The following INHBC variants were observed in gnomAD, a reference collection of about 807,000 sequenced individuals.
INHBC encodes inhibin beta C chain.
INHBC carries 10 observed loss-of-function variants against 12.4 expected under a neutral mutation model. The ratio of observed to expected loss-of-function variants is 0.81; its 90% CI spans 0.50 to 1.37. The LOEUF (loss-of-function observed/expected upper bound fraction) is 1.37, where lower values mean the gene tolerates loss of function less well. INHBC is among the 40% of genes most tolerant of loss of function. The probability of loss-of-function intolerance (pLI) is 0.00; values close to 1 mark genes in which losing one functional copy is unlikely to be tolerated. For missense variants in INHBC, 382 were observed against 439.4 expected, an observed-to-expected ratio of 0.87 and a Z score of 1.17; for synonymous variants, 147 against 171.6, an observed-to-expected ratio of 0.86 and a Z score of 1.12.
intron 1 of INHBC, among the ~76,000 whole-genome samples, chr12:57,436,034 A>G (rs919843571): frequency 2.0e-5 from 3 of 151,958 alleles, no homozygotes; most frequent in African/African-American, 4.8e-5. Flanking sequence ...TTTAGTAGAG[A>G]CTGGGTTTCA....
intron 1 of INHBC, among the ~76,000 whole-genome samples, chr12:57,447,908 T>A (rs1277159792): frequency 1.1e-3 from 108 of 96,742 alleles, no homozygotes; most frequent in Non-Finnish European, 1.3e-3. Context: ...TATATATATA[T>A]ATATATATAT....
At chr12:57,437,325 GT>G (rs1382607585) in intron 1 of INHBC, among the ~76,000 whole-genome samples, 2 of 152,146 alleles carry the variant, frequency 1.3e-5, no homozygotes, top group African/African-American at 4.8e-5. Flanking sequence ...CAGGGGAATA[GT>G]TGGAGTATAT....
intron 1 of INHBC, among the ~76,000 whole-genome samples, chr12:57,442,970 G>A (rs1484370804): frequency 8.4e-5 from 12 of 142,728 alleles, no homozygotes; most frequent in African/African-American, 2.3e-4. Context: ...CAGCCCAGGC[G>A]ACAAGAGTGA....
intron 1 of INHBC, among the ~76,000 whole-genome samples, chr12:57,446,829 C>T (rs910236056): frequency 6.6e-6 from 1 of 151,684 alleles, no homozygotes; most frequent in Admixed American, 6.6e-5. Flanking sequence ...GTTGGGCCGA[C>T]AAAGAGGAGC....
intron 1 of INHBC, among the ~76,000 whole-genome samples, chr12:57,447,892 A>AAAAAAATAT (rs1555325179): frequency 1.2e-3 from 23 of 19,868 alleles, no homozygotes; most frequent in East Asian, 1.4e-3. Context: ...AAAAAAAAAA[A>AAAAAAATAT]ATATATATAT....
chr12:57,435,462 T>C (rs1328676803), intron 1 of INHBC, among the ~76,000 whole-genome samples: 2 of 152,122 alleles, frequency 1.3e-5, no homozygotes, highest in East Asian at 3.9e-4. Context: ...CTCCTCCGGC[T>C]CCTCTCTCTG....
chr12:57,435,219 C>T lies in INHBC; in HGVS notation c.313+20C>T. 1 of 1,590,014 alleles carries T rather than the reference C, an allele frequency of 6.3e-7. No homozygotes were observed. Among genetic ancestry groups the T allele is most frequent in the Non-Finnish European group, 8.6e-7 (1 of 1,163,898 alleles). ...AGACAGGTGGGTTCCTGATCTGTAGCTCTTCCCCAGAACTTGACCCCTCAA... is the reference window on the plus strand; with the variant it reads ...AGACAGGTGGGTTCCTGATCTGTAGTTCTTCCCCAGAACTTGACCCCTCAA... On this transcript the variant is annotated intron_variant, in intron 1 of 1. Transcript: ENST00000309668.
At position 57,451,883 on chromosome 12, in the gene INHBC, A is replaced by G. The variant is rs1246907115; in HGVS notation, c.*1861A>G. The G allele has an allele frequency of 2.2e-6, 1 of 455,518 alleles. No homozygotes were observed. Among genetic ancestry groups the G allele is most frequent in the East Asian group, 6.9e-5 (1 of 14,400 alleles). 28.2% of individuals were successfully genotyped at this position (455,518 alleles called of 1,614,324 possible). A position where few individuals can be genotyped will look rare whatever the true frequency, so the allele number is the denominator to read the frequency against. ...CAATTACAGCTTAGTCTCCAGGGCTAGGACTGGGGTAAAGCAAAGTGAGTC... is the reference window on the plus strand; with the variant it reads ...CAATTACAGCTTAGTCTCCAGGGCTGGGACTGGGGTAAAGCAAAGTGAGTC... On this transcript the variant is annotated 3_prime_UTR_variant, in exon 2 of 2. Transcript: ENST00000309668.
At chr12:57,435,296 C>G in intron 1 of INHBC, 97 bp downstream of exon 1, 1 of 1,142,744 alleles carries the variant, frequency 8.8e-7, no homozygotes, top group Non-Finnish European at 1.2e-6. Context: ...TCCCCAAAAA[C>G]CATCCAACCC....
At chr12:57,440,995 G>T (rs1294103502) in intron 1 of INHBC, among the ~76,000 whole-genome samples, 4 of 152,108 alleles carry the variant, frequency 2.6e-5, no homozygotes, top group Non-Finnish European at 5.9e-5. Flanking sequence ...ATCACTTGAG[G>T]CCAGGAGTTT....
chr12:57,443,236 G>A (rs1156786613), intron 1 of INHBC, among the ~76,000 whole-genome samples: 14 of 144,280 alleles, frequency 9.7e-5, no homozygotes, highest in Non-Finnish European at 4.5e-5. Flanking sequence ...TCCTGCCTCA[G>A]CCTCCTGAGT....
intron 1 of INHBC, among the ~76,000 whole-genome samples, chr12:57,439,019 A>G (rs897550411): frequency 6.6e-6 from 1 of 152,208 alleles, no homozygotes; most frequent in African/African-American, 2.4e-5. Context: ...GTGATGTCAC[A>G]TTAGCAGCTA....
chr12:57,447,920 T>TATATATATAA (rs1828898710), intron 1 of INHBC, among the ~76,000 whole-genome samples: 1 of 92,812 alleles, frequency 1.1e-5, no homozygotes, highest in Non-Finnish European at 2.0e-5. Context: ...TATATATATA[T>TATATATATAA]ATAAAATATA....
At chr12:57,435,289 C>CTGCTT in intron 1 of INHBC, 90 bp downstream of exon 1, 2 of 1,256,434 alleles carry the variant, frequency 1.6e-6, no homozygotes, top group Non-Finnish European at 2.2e-6. Flanking sequence ...GACTCCTTCC[C>CTGCTT]CAAAAACCAT....
chr12:57,435,303 A>C, intron 1 of INHBC, 104 bp downstream of exon 1: 1 of 1,078,352 alleles, frequency 9.3e-7, no homozygotes, highest in Non-Finnish European at 1.3e-6. Flanking sequence ...AAACCATCCA[A>C]CCCCTGCTTC....
rs1870484253 is a variant in INHBC at position 57,442,326 on chromosome 12, G to T, written c.314-6951G>T. On this transcript the variant is annotated intron_variant, in intron 1 of 1. Transcript: ENST00000309668. ...GACAGCACAAAGTCATGAATACTGG[G>T]AGGTGTTGGCCTTTGGGGCCAACAG... 1.3e-5 allele frequency among the ~76,000 whole-genome samples: 2 copies of T among 152,212 alleles called. 1 individual carries two copies. Among genetic ancestry groups the T allele is most frequent in the Non-Finnish European group, 2.9e-5 (2 of 68,038 alleles).
At chr12:57,439,372 C>T (rs928970003) in intron 1 of INHBC, among the ~76,000 whole-genome samples, 2 of 152,190 alleles carry the variant, frequency 1.3e-5, no homozygotes, top group African/African-American at 2.4e-5. Flanking sequence ...CCTGGTTCTG[C>T]TCCCTGGTAT....
At position 57,445,723 on chromosome 12, in the gene INHBC, C is replaced by CA. The variant is rs1555325061; in HGVS notation, c.314-3553dup. Among the ~76,000 whole-genome samples the CA allele has an allele frequency of 7.0e-5, 10 of 142,992 alleles. No homozygotes were observed. The East Asian group carries it at 1.6e-3, about 23-fold the overall frequency. The allele number at this position is 142,992 out of a possible 152,430, so 93.8% of individuals were successfully genotyped here. On this transcript the variant is annotated intron_variant, in intron 1 of 1. Transcript: ENST00000309668. ...GGGTAACATAGTGAGACCCCCCGCCCATCTCCATGTAAATTTTTTTTTTTT... is the reference window on the plus strand; with the variant it reads ...GGGTAACATAGTGAGACCCCCCGCCCAATCTCCATGTAAATTTTTTTTTTTT...
Position 57,449,419 on chromosome 12 carries a change from C to G in INHBC, c.456C>G (p.Val152=). 6.2e-7 allele frequency: 1 copy of G among 1,614,188 alleles called. No homozygotes were observed. The highest frequency in any genetic ancestry group is 8.5e-7 in the Non-Finnish European group (1 of 1,180,048). ...SNTTWTLKVR[V]LVLGPHNTNL... is the part of the protein sequence containing the mutation. Reference sequence around the variant, plus strand: ...CCACTTGGACCTTGAAAGTGAGAGTCCTTGTGCTGGGTCCACATAATACCA... The same window carrying G: ...CCACTTGGACCTTGAAAGTGAGAGTGCTTGTGCTGGGTCCACATAATACCA... Residue 152 remains valine, a synonymous_variant, in exon 2 of 2, where the codon GTC becomes GTG. Transcript: ENST00000309668.
Sources: allele counts gnomAD v4.1 joint callset (sites outside exome capture counted in the v4.1 genomes callset), GRCh38; gene constraint gnomAD v4.1.1; transcripts MANE v1.5; gene names NCBI Gene and HGNC (gene_info 2026-07-23, HGNC 2026-07-21).